The following SCRG1 variants were observed in gnomAD, a reference collection of about 807,000 sequenced individuals.
SCRG1 encodes stimulator of chondrogenesis 1, also known as scrapie-responsive protein 1.
A neutral mutation model predicts 7.7 loss-of-function variants in SCRG1; 3 were observed. The ratio of observed to expected loss-of-function variants is 0.39; its 90% CI spans 0.18 to 1.01. The LOEUF (loss-of-function observed/expected upper bound fraction) is 1.01. Among genes scored for constraint, SCRG1 ranks in the 50% least tolerant of loss-of-function variants. The pLI is 0.36. For synonymous variants in SCRG1, 46 were observed against 41.2 expected, an observed-to-expected ratio of 1.12 and a Z score of -0.44; for missense variants, 110 against 117.2, an observed-to-expected ratio of 0.94 and a Z score of 0.28.
chr4:173,487,183 C>T, the SCRG1 span, among the ~76,000 whole-genome samples: 4 of 152,240 alleles, frequency 2.6e-5, no homozygotes, highest in African/African-American at 9.6e-5. Flanking sequence ...CTAATTGAGG[C>T]AAATCATGGA....
the SCRG1 span, among the ~76,000 whole-genome samples, chr4:173,515,980 A>T: frequency 6.6e-6 from 1 of 152,192 alleles, no homozygotes; most frequent in Non-Finnish European, 1.5e-5. This position sits in a 1 kb window ranked among gnomAD's most constrained non-coding sequence, Gnocchi z 4.6. Flanking sequence ...CCAATTCCCC[A>T]GATTGGAGAG....
At chr4:173,479,299 T>C in the SCRG1 span, among the ~76,000 whole-genome samples, 2 of 152,158 alleles carry the variant, frequency 1.3e-5, no homozygotes, top group Non-Finnish European at 2.9e-5. Context: ...AATGAATAGT[T>C]ACGTAAAGGT....
the SCRG1 span, chr4:173,469,886 C>T: frequency 6.6e-6 from 1 of 152,142 alleles, no homozygotes; most frequent in African/African-American, 2.4e-5. Flanking sequence ...TACATCCTAC[C>T]ACGGACCACG....
the SCRG1 span, among the ~76,000 whole-genome samples, chr4:173,485,104 ATATAT>A: frequency 0.017 from 920 of 54,400 alleles, 199 homozygotes; most frequent in Admixed American, 0.035. Context: ...ATTATATATT[ATATAT>A]TATATAATAT....
chr4:173,509,171 T>G, the SCRG1 span, among the ~76,000 whole-genome samples: 7 of 152,086 alleles, frequency 4.6e-5, no homozygotes, highest in African/African-American at 1.7e-4. The surrounding 1 kb of genome is among the most constrained non-coding windows in gnomAD (Gnocchi z 5.7). Context: ...CTCAACACTC[T>G]AATCGTAAAT....
the SCRG1 span, among the ~76,000 whole-genome samples, chr4:173,491,615 G>T: frequency 1.3e-5 from 2 of 152,136 alleles, no homozygotes; most frequent in Non-Finnish European, 2.9e-5. Flanking sequence ...GCAAGTACAG[G>T]GTTCTAAGGT....
At chr4:173,445,105 T>TAAA in the SCRG1 span, among the ~76,000 whole-genome samples, 52 of 151,586 alleles carry the variant, frequency 3.4e-4, 2 homozygotes, top group South Asian at 6.2e-3. Context: ...ACAGAAATGA[T>TAAA]AAAAAAAGCC....
At chr4:173,467,923 T>C in the SCRG1 span, 10 of 152,500 alleles carry the variant, frequency 6.6e-5, no homozygotes, top group African/African-American at 2.2e-4. Context: ...AGGAAGGCTT[T>C]ACAAAAACAG....
the SCRG1 span, among the ~76,000 whole-genome samples, chr4:173,511,886 C>A: frequency 1.3e-5 from 2 of 152,186 alleles, no homozygotes. The surrounding 1 kb of genome is among the most constrained non-coding windows in gnomAD (Gnocchi z 5.2). Flanking sequence ...CCCAGACGAG[C>A]ATTCTTTGTG....
At chr4:173,455,387 T>C in the SCRG1 span, among the ~76,000 whole-genome samples, 1 of 152,196 alleles carries the variant, frequency 6.6e-6, no homozygotes, top group East Asian at 1.9e-4. Flanking sequence ...AGAACGCTGG[T>C]GGTGTTTTTT....
the SCRG1 span, chr4:173,446,672 C>T: frequency 6.6e-6 from 1 of 152,132 alleles, no homozygotes; most frequent in South Asian, 2.1e-4. Flanking sequence ...TGCGTCATTC[C>T]AATTTTAGTA....
chr4:173,502,894 T>C, the SCRG1 span, among the ~76,000 whole-genome samples: 1 of 152,302 alleles, frequency 6.6e-6, no homozygotes, highest in South Asian at 2.1e-4. The surrounding 1 kb of genome is among the most constrained non-coding windows in gnomAD (Gnocchi z 4.6). Context: ...CAGGCATAAT[T>C]AGGGTCTGAT....
At chr4:173,406,421 A>G (rs1045927782), upstream of SCRG1, 9 of 152,200 alleles carry the variant, frequency 5.9e-5, no homozygotes, top group South Asian at 2.1e-4. Flanking sequence ...TAATAAAGTT[A>G]GATTGTTTTG....
At chr4:173,421,166 A>G in the SCRG1 span, among the ~76,000 whole-genome samples, 5 of 151,810 alleles carry the variant, frequency 3.3e-5, no homozygotes, top group Non-Finnish European at 5.9e-5. Flanking sequence ...TTGATTGCAT[A>G]TGGATTTTGA....
rs1251845065 is a variant in SCRG1, at chr4:173,384,904, T to A, written c.*3437A>T. ...TGTACAATTGTGTGTCCTATCCATG[T>A]AAAAGTTTGCCTTTCTGTAAAGGAA... On this transcript the variant is annotated 3_prime_UTR_variant, in exon 3 of 3. Coordinates refer to ENST00000296506, the MANE Select transcript of SCRG1 (RefSeq NM_007281.4). 1 of 152,164 alleles carries A rather than the reference T, an allele frequency of 6.6e-6. No homozygotes were observed. The highest frequency in any genetic ancestry group is 2.4e-5 in the African/African-American group (1 of 41,450). The allele number at this position is 152,164 out of a possible 1,614,324, so 9.4% of individuals were successfully genotyped here.
chr4:173,517,032 C>T, the SCRG1 span, among the ~76,000 whole-genome samples: 1 of 152,316 alleles, frequency 6.6e-6, no homozygotes, highest in South Asian at 2.1e-4. Context: ...GCAAAGTCTA[C>T]AGGGGAGGGA....
At chr4:173,439,857 CTTCT>C in the SCRG1 span, among the ~76,000 whole-genome samples, 1 of 152,140 alleles carries the variant, frequency 6.6e-6, no homozygotes, top group South Asian at 2.1e-4. Flanking sequence ...ATGATTCTTC[CTTCT>C]TTGTTTTGAA....
At chr4:173,443,596 T>C in the SCRG1 span, among the ~76,000 whole-genome samples, 1 of 152,200 alleles carries the variant, frequency 6.6e-6, no homozygotes, top group Non-Finnish European at 1.5e-5. Flanking sequence ...ATCACTTTTC[T>C]TTGGAATTTT....
the SCRG1 span, among the ~76,000 whole-genome samples, chr4:173,451,022 C>T: frequency 6.6e-6 from 1 of 152,222 alleles, no homozygotes; most frequent in Middle Eastern, 3.4e-3. Flanking sequence ...TTTTGCCTCT[C>T]TTTGGTTTGA....
Sources: gnomAD v4.1 joint callset for allele counts (sites outside exome capture counted in the v4.1 genomes callset) on GRCh38, gnomAD v4.1.1 for gene constraint, Gnocchi (gnomAD v3.1) non-coding constraint, MANE v1.5 for transcripts, NCBI Gene and HGNC (gene_info 2026-07-23, HGNC 2026-07-21) for gene names.